The following CEP57L1 variants were observed in gnomAD, a reference collection of about 807,000 sequenced individuals.
The protein encoded by CEP57L1 is centrosomal protein CEP57L1.
Under a neutral mutation model 61.0 loss-of-function variants are expected in CEP57L1, and 37 were observed. That is an observed-to-expected ratio of 0.61 (90% confidence interval 0.47 to 0.80). The LOEUF (loss-of-function observed/expected upper bound fraction) is 0.80. Among genes scored for constraint, CEP57L1 ranks in the 30% least tolerant of loss-of-function variants. The pLI, the probability that CEP57L1 is intolerant of heterozygous loss-of-function variation, is 0.00. For synonymous variants in CEP57L1, 137 were observed against 162.3 expected, an observed-to-expected ratio of 0.84 and a Z score of 1.19; for missense variants, 422 against 524.7, an observed-to-expected ratio of 0.80 and a Z score of 1.91.
chr6:109,117,586 G>C lies in CEP57L1; in HGVS notation c.-4+22011G>C, dbSNP rs77317363. Among the ~76,000 whole-genome samples, 1,265 of 152,252 alleles carry C rather than the reference G, an allele frequency of 8.3e-3. 24 individuals are homozygous for C. The highest frequency in any genetic ancestry group is 0.029 in the African/African-American group (1,214 of 41,542). On this transcript the variant is annotated intron_variant, in intron 1 of 10. Coordinates refer to ENST00000517392, the MANE Select transcript of CEP57L1 (RefSeq NM_001271852.3). Reference sequence around the variant, plus strand: ...CCTGAGTTAGTGAGGCATTGCATTTGTTTTCCCCTGAGACTGTGACCTCTT... The same window carrying C: ...CCTGAGTTAGTGAGGCATTGCATTTCTTTTCCCCTGAGACTGTGACCTCTT...
intron 1 of CEP57L1, among the ~76,000 whole-genome samples, chr6:109,111,134 G>A (rs1477673334): frequency 1.3e-5 from 2 of 152,034 alleles, no homozygotes; most frequent in African/African-American, 2.4e-5. Context: ...CCATTTTGAC[G>A]ATATTGATTC....
At chr6:109,154,569 C>A (rs1773020273) in intron 5 of CEP57L1, among the ~76,000 whole-genome samples, 1 of 151,920 alleles carries the variant, frequency 6.6e-6, no homozygotes, top group South Asian at 2.1e-4. Context: ...ATCCAAAAAT[C>A]CAAAATCTGA....
At chr6:109,129,614 G>A (rs991448000) in intron 1 of CEP57L1, 5 of 431,120 alleles carry the variant, frequency 1.2e-5, no homozygotes, top group African/African-American at 2.0e-5. Context: ...GCTTACAGAG[G>A]TGTGGCTAAT....
chr6:109,136,128 C>A (rs373920211), intron 1 of CEP57L1, among the ~76,000 whole-genome samples: 1 of 152,254 alleles, frequency 6.6e-6, no homozygotes, highest in Admixed American at 6.5e-5. Flanking sequence ...ATGTTTATTG[C>A]GGCACTATTC....
rs1298260523 is a variant in CEP57L1 at position 109,174,099 on chromosome 6, C to CAAAAAAAAAAAAAAAAAAAAAAAAA, written c.*11144_*11145insAAAAAAAAAAAAAAAAAAAAAAAAA. ...TGAGCCATAGAGTGAGTCTTGGTCT[C>CAAAAAAAAAAAAAAAAAAAAAAAAA]AAAAAAAAAAAAAAACCTTGTGTTG... On this transcript the variant is annotated 3_prime_UTR_variant, in exon 11 of 11. Coordinates refer to ENST00000517392, the MANE Select transcript of CEP57L1 (RefSeq NM_001271852.3). Among the ~76,000 whole-genome samples, 51 of 81,890 alleles carry CAAAAAAAAAAAAAAAAAAAAAAAAA rather than the reference C, an allele frequency of 6.2e-4. No individual in the cohort carries two copies. The highest frequency in any genetic ancestry group is 2.3e-3 in the African/African-American group (48 of 20,860). 53.7% of individuals were successfully genotyped at this position (81,890 alleles called of 152,430 possible). A position where few individuals can be genotyped will look rare whatever the true frequency, so the allele number is the denominator to read the frequency against.
intron 1 of CEP57L1, among the ~76,000 whole-genome samples, chr6:109,109,623 G>A (rs1771342001): frequency 6.6e-6 from 1 of 152,184 alleles, no homozygotes; most frequent in African/African-American, 2.4e-5. Flanking sequence ...CACATGCCAT[G>A]TTGGTTTGCT....
chr6:109,152,685 C>A (rs1772771870), intron 4 of CEP57L1, among the ~76,000 whole-genome samples: 1 of 147,124 alleles, frequency 6.8e-6, no homozygotes, highest in African/African-American at 2.5e-5. Flanking sequence ...GTGTGTATAA[C>A]TTTCCTTTTC....
intron 1 of CEP57L1, among the ~76,000 whole-genome samples, chr6:109,100,531 C>G (rs1782249915): frequency 6.6e-6 from 1 of 151,752 alleles, no homozygotes. Flanking sequence ...AAAAATTAGC[C>G]AGGCGTGGTG....
chr6:109,142,952 TCTCTCTCTCTCTCTCTCTCTCTCTCTC>T (rs1562112921), intron 1 of CEP57L1, among the ~76,000 whole-genome samples: 4 of 17,404 alleles, frequency 2.3e-4, no homozygotes, highest in Admixed American at 1.3e-3. Flanking sequence ...TCTTGCTCTC[TCTCTCTCTCTCTCTCTCTCTCTCTCTC>T]TCTCTCTCTC....
At chr6:109,120,912 GCACA>G (rs71747421) in intron 1 of CEP57L1, among the ~76,000 whole-genome samples, 11,072 of 133,272 alleles carry the variant, frequency 0.083, 425 homozygotes, top group Middle Eastern at 0.15. Context: ...TTAGACACAC[GCACA>G]CACACACACA....
At chr6:109,147,072 G>T in intron 3 of CEP57L1, 135 bp downstream of exon 3, 2 of 617,754 alleles carry the variant, frequency 3.2e-6, no homozygotes, top group Non-Finnish European at 2.6e-6. Context: ...TTTGTTCTCA[G>T]ACCTTTTGAT....
chr6:109,136,561 TA>T (rs373000667), intron 1 of CEP57L1, among the ~76,000 whole-genome samples: 1,860 of 138,138 alleles, frequency 0.013, 34 homozygotes, highest in African/African-American at 0.043. Context: ...ACTATAAGTA[TA>T]AAAAAAAAAA....
intron 1 of CEP57L1, among the ~76,000 whole-genome samples, chr6:109,108,403 G>A (rs1054389716): frequency 3.9e-5 from 6 of 151,962 alleles, no homozygotes; most frequent in Admixed American, 2.6e-4. Context: ...GCAGAGACAG[G>A]GTTTCACTAT....
At chr6:109,135,237 C>T (rs577425583) in intron 1 of CEP57L1, among the ~76,000 whole-genome samples, 8 of 152,238 alleles carry the variant, frequency 5.3e-5, no homozygotes, top group African/African-American at 1.9e-4. Context: ...TGGAACAGAA[C>T]AGAGCCGTCA....
Position 109,171,875 on chromosome 6 carries a change from A to G in CEP57L1, c.*8905A>G. 6.6e-6 allele frequency among the ~76,000 whole-genome samples: 1 copy of G among 152,170 alleles called. No homozygotes were observed. The highest frequency in any genetic ancestry group is 2.1e-4 in the South Asian group (1 of 4,832). Reference sequence around the variant, plus strand: ...ATATAGTTATTAGTAATTTACAGGAAAGGCTCAAGGTTTCATTTACATGGG... The same window carrying G: ...ATATAGTTATTAGTAATTTACAGGAGAGGCTCAAGGTTTCATTTACATGGG... On this transcript the variant is annotated 3_prime_UTR_variant, in exon 11 of 11. Transcript: ENST00000517392.
chr6:109,172,202 T>G lies in CEP57L1; in HGVS notation c.*9232T>G, dbSNP rs1449321783. On this transcript the variant is annotated 3_prime_UTR_variant, in exon 11 of 11. Transcript: ENST00000517392. ...AATTCTCTCAGCAGACAGACCATAA[T>G]TCTCTCAGCAACAATGTGTGACAAC... Among the ~76,000 whole-genome samples the G allele has an allele frequency of 1.4e-5, 2 of 139,340 alleles. No individual in the cohort carries two copies. Among genetic ancestry groups the G allele is most frequent in the Non-Finnish European group, 3.2e-5 (2 of 63,274 alleles). 91.4% of individuals were successfully genotyped at this position (139,340 alleles called of 152,430 possible).
intron 1 of CEP57L1, among the ~76,000 whole-genome samples, chr6:109,098,265 G>A (rs1266586601): frequency 2.0e-5 from 3 of 151,690 alleles, no homozygotes; most frequent in Non-Finnish European, 2.9e-5. Flanking sequence ...CTTCGTCCTC[G>A]GCCTCCCAAG....
At position 109,159,467 on chromosome 6, in the gene CEP57L1, G is replaced by A. The variant is rs770953304; in HGVS notation, c.1016+5G>A. On this transcript the variant is annotated splice_donor_5th_base_variant and intron_variant, in intron 9 of 10. Transcript: ENST00000517392. ...TGAGCTGGACCAAATGAGCATGTAA[G>A]TATTTATATTCTTTTTTTTTTTCAA... 18 of 1,605,920 alleles carry A rather than the reference G, an allele frequency of 1.1e-5. No homozygotes were observed. The East Asian group carries it at 2.7e-4, about 24-fold the overall frequency.
In CEP57L1 at chr6:109,168,374, A is replaced by T. The variant is rs1004437945; in HGVS notation, c.*5404A>T. On this transcript the variant is annotated 3_prime_UTR_variant, in exon 11 of 11. Transcript: ENST00000517392. Reference sequence around the variant, plus strand: ...CAATAATCACTTAGACTAAAACAGAACAATAAGAATTATACAGAAAGGTTA... The same window carrying T: ...CAATAATCACTTAGACTAAAACAGATCAATAAGAATTATACAGAAAGGTTA... 1.3e-5 allele frequency among the ~76,000 whole-genome samples: 2 copies of T among 152,220 alleles called. No individual in the cohort carries two copies. The highest frequency in any genetic ancestry group is 2.9e-5 in the Non-Finnish European group (2 of 68,034).
Sources: allele counts gnomAD v4.1 joint callset (sites outside exome capture counted in the v4.1 genomes callset), GRCh38; gene constraint gnomAD v4.1.1; transcripts MANE v1.5; gene names NCBI Gene and HGNC (gene_info 2026-07-23, HGNC 2026-07-21).